Variants in ITPRID1 observed in about 807,000 individuals in gnomAD.
ITPRID1 encodes the protein protein ITPRID1.
In ITPRID1, 96 loss-of-function variants were observed where a neutral mutation model predicts 95.4. The observed-to-expected ratio is 1.01, with a 90% confidence interval of 0.85 to 1.19. The LOEUF is 1.19. ITPRID1 is among the 50% of genes most tolerant of loss of function. ITPRID1 has a pLI of 0.00. For synonymous variants in ITPRID1, 510 were observed against 453.6 expected, an observed-to-expected ratio of 1.12 and a Z score of -1.58; for missense variants, 1,339 against 1,252.9, an observed-to-expected ratio of 1.07 and a Z score of -1.04.
At chr7:31,515,756 G>C (rs1177013449) in intron 1 of ITPRID1, among the ~76,000 whole-genome samples, 3 of 152,108 alleles carry the variant, frequency 2.0e-5, no homozygotes, top group African/African-American at 7.2e-5. Context: ...ACATTGTATT[G>C]TTTAAAATGT....
intron 1 of ITPRID1, among the ~76,000 whole-genome samples, chr7:31,529,058 T>C (rs1403468628): frequency 2.6e-5 from 4 of 152,184 alleles, no homozygotes; most frequent in Non-Finnish European, 5.9e-5. Flanking sequence ...AATCGTCTCA[T>C]CTCTCAACTA....
intron 10 of ITPRID1, among the ~76,000 whole-genome samples, chr7:31,634,481 GAC>G (rs1789299778): frequency 1.3e-5 from 2 of 152,136 alleles, no homozygotes; most frequent in Admixed American, 1.3e-4. Context: ...CCTATGAGGG[GAC>G]AGACTCAGAG....
At chr7:31,519,636 AT>A (rs1783175908) in intron 1 of ITPRID1, among the ~76,000 whole-genome samples, 2 of 127,924 alleles carry the variant, frequency 1.6e-5, no homozygotes, top group South Asian at 2.7e-4. Context: ...ATATATATAT[AT>A]ATATATATAA....
intron 5 of ITPRID1, among the ~76,000 whole-genome samples, chr7:31,562,044 TAAAAA>T (rs33912394): frequency 4.8e-3 from 254 of 52,550 alleles, no homozygotes; most frequent in Non-Finnish European, 8.0e-3. Flanking sequence ...GCTATGTATT[TAAAAA>T]AAAAAAAAAA....
intron 10 of ITPRID1, among the ~76,000 whole-genome samples, chr7:31,619,068 C>T (rs1464942198): frequency 1.3e-5 from 2 of 152,212 alleles, no homozygotes; most frequent in South Asian, 4.1e-4. Context: ...CCTTTGTCTT[C>T]TTTCAATTTG....
At chr7:31,528,805 G>T (rs1783501353) in intron 1 of ITPRID1, among the ~76,000 whole-genome samples, 1 of 152,042 alleles carries the variant, frequency 6.6e-6, no homozygotes, top group African/African-American at 2.4e-5. Flanking sequence ...TCATATTGGG[G>T]TTCCTCTGTG....
chr7:31,655,541 T>C lies in ITPRID1; in HGVS notation c.*2712T>C, dbSNP rs1157005350. ...AGTACTTTTAGAATAAGCCAGAGAA[T>C]GAGAGAGAAATCACAGGATCATACT... On this transcript the variant is annotated 3_prime_UTR_variant, in exon 15 of 15. Transcript: ENST00000615280. 6.6e-6 allele frequency among the ~76,000 whole-genome samples: 1 copy of C among 152,132 alleles called. No individual in the cohort carries two copies.
At chr7:31,534,661 TC>T (rs1262500940) in intron 1 of ITPRID1, among the ~76,000 whole-genome samples, 1 of 152,216 alleles carries the variant, frequency 6.6e-6, no homozygotes, top group Non-Finnish European at 1.5e-5. Flanking sequence ...TATTTACAGT[TC>T]ATTGCTATAA....
chr7:31,645,596 A>ACCACCACCAC (rs1790392640), intron 12 of ITPRID1, among the ~76,000 whole-genome samples: 1 of 150,400 alleles, frequency 6.6e-6, no homozygotes, highest in Non-Finnish European at 1.5e-5. Context: ...CATAACCATC[A>ACCACCACCAC]TCACCACCAC....
At position 31,515,943 on chromosome 7, in the gene ITPRID1, G is replaced by A. The variant is rs1783027784; in HGVS notation, c.-98+1823G>A. ...TTTCATATAAGATGATAAAAGTACT[G>A]TGTTAGGAGAAGAAACAGGCTAGAT... On this transcript the variant is annotated intron_variant, in intron 1 of 14. Coordinates refer to ENST00000615280, the MANE Select transcript of ITPRID1 (RefSeq NM_001257967.3). Among the ~76,000 whole-genome samples the A allele has an allele frequency of 2.6e-5, 4 of 152,152 alleles. No individual in the cohort carries two copies. In the South Asian group the frequency reaches 6.2e-4, roughly 24 times the overall value.
In ITPRID1 at chr7:31,574,584, T is replaced by G; in HGVS notation, c.440T>G (p.Ile147Ser). ...TTTTGGGAGATAGATCCAGTGGAGA[T>G]TCTCTTGGATCTGGGGTTTGGTGCT... The part of the protein sequence containing the change: ...LEFWEIDPVE[I>S]LLDLGFGADE... The change falls in exon 8 of 15, where the codon ATT becomes AGT. Residue 147 changes from isoleucine (I) to serine (S), a missense_variant. By Grantham distance (142) the Ile-to-Ser change is moderately radical. Coordinates refer to ENST00000615280, the MANE Select transcript of ITPRID1 (RefSeq NM_001257967.3). The G allele has an allele frequency of 6.2e-7, 1 of 1,613,906 alleles. No individual in the cohort carries two copies. Among genetic ancestry groups the G allele is most frequent in the Non-Finnish European group, 8.5e-7 (1 of 1,179,816 alleles).
chr7:31,585,843 TTA>T (rs1785574604), intron 10 of ITPRID1, among the ~76,000 whole-genome samples: 1 of 152,216 alleles, frequency 6.6e-6, no homozygotes, highest in African/African-American at 2.4e-5. Flanking sequence ...TCTTTTTTTT[TTA>T]TTATTATTAT....
In ITPRID1 at chr7:31,651,143, GCA is replaced by G; in HGVS notation, c.2588_2589del (p.Thr863SerfsTer3). On this transcript the variant is annotated frameshift_variant and splice_region_variant, in exon 13 of 15. Coordinates refer to ENST00000615280, the MANE Select transcript of ITPRID1 (RefSeq NM_001257967.3). LOFTEE classifies it high-confidence loss of function. The stretch of plus-strand genomic sequence containing the variant: ...TCAGTTCTTTCTCATTGTTCTCAGT[GCA>G]CAGTCCATGAGATGGAAGCCATGAA... 6.2e-7 allele frequency: 1 copy of G among 1,612,574 alleles called. No homozygotes were observed. Among genetic ancestry groups the G allele is most frequent in the Non-Finnish European group, 8.5e-7 (1 of 1,179,070 alleles).
chr7:31,642,974 G>A lies in ITPRID1; in HGVS notation c.1604G>A (p.Arg535Lys). Residue 535 changes from arginine to lysine, a missense_variant, in exon 12 of 15, where the codon AGG (arginine) becomes AAG (lysine). Arg to Lys is a conservative substitution (Grantham distance 26, BLOSUM62 2). Coordinates refer to ENST00000615280, the MANE Select transcript of ITPRID1 (RefSeq NM_001257967.3). ...ACCACCACGAGGGGAGAATGCCCAA[G>A]GAAAGACAGCCATCTGTGGCAGCTT... is the stretch of plus-strand genomic sequence containing the variant. ...AKTTTRGECP[R>K]KDSHLWQLLP... 2.5e-6 allele frequency: 4 copies of A among 1,614,026 alleles called. No homozygotes were observed. The highest frequency in any genetic ancestry group is 3.4e-6 in the Non-Finnish European group (4 of 1,179,890).
At chr7:31,561,040 G>A (rs935021464) in intron 5 of ITPRID1, among the ~76,000 whole-genome samples, 1 of 152,104 alleles carries the variant, frequency 6.6e-6, no homozygotes, top group Non-Finnish European at 1.5e-5. Flanking sequence ...GTGTGTCACG[G>A]TGGGAATGAT....
chr7:31,565,807 C>T (rs1399400851), intron 5 of ITPRID1, among the ~76,000 whole-genome samples: 1 of 152,026 alleles, frequency 6.6e-6, no homozygotes, highest in Non-Finnish European at 1.5e-5. Flanking sequence ...GGTGAGATTC[C>T]AGTGAGGGGA....
intron 10 of ITPRID1, among the ~76,000 whole-genome samples, chr7:31,602,537 C>T (rs776724864): frequency 2.6e-4 from 40 of 152,266 alleles, no homozygotes; most frequent in Non-Finnish European, 5.1e-4. Context: ...AGCGCCTGCA[C>T]GAGAGGCTGC....
At position 31,643,038 on chromosome 7, in the gene ITPRID1, C is replaced by T. The variant is rs754892525; in HGVS notation, c.1668C>T (p.Pro556=). The change falls in exon 12 of 15, where the codon CCC becomes CCT. Residue 556 remains proline, a synonymous_variant. Coordinates refer to ENST00000615280, the MANE Select transcript of ITPRID1 (RefSeq NM_001257967.3). ...MPHAEYEVTR[P]TATSKYDHPL... is the part of the protein sequence containing the mutation. Reference sequence around the variant, plus strand: ...ATGCTGAGTATGAGGTCACCAGACCCACAGCCACTTCCAAATATGATCATC... The same window carrying T: ...ATGCTGAGTATGAGGTCACCAGACCTACAGCCACTTCCAAATATGATCATC... 4 of 1,614,014 alleles carry T rather than the reference C, an allele frequency of 2.5e-6. No homozygotes were observed. Among genetic ancestry groups the T allele is most frequent in the South Asian group, 2.2e-5 (2 of 91,084 alleles).
chr7:31,543,046 T>C (rs1271170109), intron 1 of ITPRID1, among the ~76,000 whole-genome samples: 1 of 152,112 alleles, frequency 6.6e-6, no homozygotes, highest in African/African-American at 2.4e-5. Context: ...AGTTATGTTT[T>C]TGTTGTTGTT....
Sources: allele counts gnomAD v4.1 joint callset (sites outside exome capture counted in the v4.1 genomes callset), GRCh38; gene constraint gnomAD v4.1.1; transcripts MANE v1.5; gene names NCBI Gene and HGNC (gene_info 2026-07-23, HGNC 2026-07-21).